The following USP18 variants were observed in gnomAD, a reference collection of about 807,000 sequenced individuals.
USP18 encodes the protein ubl carboxyl-terminal hydrolase 18.
Under a neutral mutation model 48.7 loss-of-function variants are expected in USP18, and 11 were observed. The ratio of observed to expected loss-of-function variants is 0.23; its 90% CI spans 0.14 to 0.37. The LOEUF (loss-of-function observed/expected upper bound fraction) is 0.37, where lower values mean the gene tolerates loss of function less well. Ranked by LOEUF, USP18 falls within the 10% of genes least tolerant of loss-of-function variation. The pLI, the probability that USP18 is intolerant of heterozygous loss-of-function variation, is 1.00. For missense variants in USP18, 285 were observed against 436.4 expected, an observed-to-expected ratio of 0.65 and a Z score of 3.09; for synonymous variants, 114 against 163.2, an observed-to-expected ratio of 0.70 and a Z score of 2.30.
intron 1 of USP18, among the ~76,000 whole-genome samples, chr22:18,151,910 T>C (rs1341919676): frequency 6.6e-6 from 1 of 151,972 alleles, no homozygotes; most frequent in Non-Finnish European, 1.5e-5. Context: ...AAATATTAGC[T>C]GGGCGTGGCG....
intron 5 of USP18, among the ~76,000 whole-genome samples, 168 bp downstream of exon 5, chr22:18,167,502 CCTGGCTAACACAGTG>C (rs1929505852): frequency 1.3e-5 from 2 of 152,094 alleles, no homozygotes; most frequent in Non-Finnish European, 2.9e-5. Flanking sequence ...TCGAGACCAT[CCTGGCTAACACAGTG>C]AAACCCTGTC....
intron 3 of USP18, 49 bp from the exon 4 acceptor site, chr22:18,161,741 G>C (rs1178936438): frequency 4.1e-6 from 6 of 1,458,054 alleles, no homozygotes; most frequent in Non-Finnish European, 5.5e-6. Context: ...TGTGCACCTA[G>C]CTTTGAGAAC....
In USP18 at chr22:18,167,949, C is replaced by A; in HGVS notation, c.540C>A (p.Asp180Glu). The change falls in exon 6 of 11, where the codon GAC becomes GAA. Residue 180 changes from aspartate to glutamate, a missense_variant. Asp to Glu is a conservative substitution (Grantham distance 45). Coordinates refer to ENST00000215794, the MANE Select transcript of USP18 (RefSeq NM_017414.4). Reference protein sequence around the residue: ...IRVKDSLICVDCAMESSRNSS... With the variant: ...IRVKDSLICVECAMESSRNSS... ...TGAAGGACTCCTTGATTTGCGTTGA[C>A]TGTGCCATGGAGAGTAGCAGAAACA... is the stretch of plus-strand genomic sequence containing the variant. 1 of 1,614,100 alleles carries A rather than the reference C, an allele frequency of 6.2e-7. No individual in the cohort carries two copies.
At chr22:18,155,618 GCGGC>G (rs1419745658) in intron 1 of USP18, among the ~76,000 whole-genome samples, 2 of 151,676 alleles carry the variant, frequency 1.3e-5, no homozygotes, top group African/African-American at 4.9e-5. Context: ...CGCACTCGGA[GCGGC>G]CAGCCGGCCG....
chr22:18,150,778 C>T (rs1018044769), intron 1 of USP18, among the ~76,000 whole-genome samples: 1 of 152,170 alleles, frequency 6.6e-6, no homozygotes, highest in African/African-American at 2.4e-5. Flanking sequence ...CATGGAGAAA[C>T]CCCGTCTCTA....
At chr22:18,151,474 C>T (rs1187237549) in intron 1 of USP18, among the ~76,000 whole-genome samples, 2 of 152,064 alleles carry the variant, frequency 1.3e-5, no homozygotes, top group Non-Finnish European at 2.9e-5. Context: ...AGGAACAAAA[C>T]GGGAGGGAGA....
intron 8 of USP18, among the ~76,000 whole-genome samples, chr22:18,172,728 G>A (rs1178867832): frequency 1.3e-5 from 2 of 151,154 alleles, no homozygotes; most frequent in Admixed American, 6.6e-5. Context: ...CACTGTGGGT[G>A]ACTCAGCTTT....
intron 1 of USP18, among the ~76,000 whole-genome samples, chr22:18,151,678 A>G (rs553513830): frequency 1.0e-3 from 153 of 152,042 alleles, no homozygotes; most frequent in African/African-American, 3.5e-3. Flanking sequence ...GAGAGAGAGT[A>G]GTCCCAAAAT....
At chr22:18,173,561 G>C (rs1471286599) in intron 9 of USP18, among the ~76,000 whole-genome samples, 8 of 152,304 alleles carry the variant, frequency 5.3e-5, no homozygotes, top group African/African-American at 1.7e-4. Flanking sequence ...AGCAACGAGT[G>C]TTAGAAATAT....
At chr22:18,164,890 C>G (rs894162039) in intron 4 of USP18, among the ~76,000 whole-genome samples, 10 of 152,180 alleles carry the variant, frequency 6.6e-5, no homozygotes, top group Middle Eastern at 3.4e-3. Context: ...CAGGAGAAAG[C>G]TGGGAGTAGG....
chr22:18,160,065 C>T (rs377659382), intron 2 of USP18, 107 bp from the exon 3 acceptor site: 31 of 1,050,338 alleles, frequency 3.0e-5, no homozygotes, highest in Middle Eastern at 2.0e-4. Flanking sequence ...CCGCCCACCT[C>T]GGCCTCCCAA....
chr22:18,153,445 G>T (rs1316473517), intron 1 of USP18, among the ~76,000 whole-genome samples: 1 of 112,532 alleles, frequency 8.9e-6, no homozygotes, highest in Non-Finnish European at 1.8e-5. Flanking sequence ...AAAAAAAGGA[G>T]ACAGGGTCTT....
At position 18,155,733 on chromosome 22, in the gene USP18, C is replaced by T. The variant is rs575159765; in HGVS notation, c.-106-1825C>T. Among the ~76,000 whole-genome samples the T allele has an allele frequency of 7.6e-3, 1,164 of 152,340 alleles. 8 individuals carry two copies. Among genetic ancestry groups the T allele is most frequent in the Middle Eastern group, 0.014 (4 of 294 alleles). ...AGCTGCCTCCTGGCAGGGCAGGGCT[C>T]GGGACCTGTAGCCCGCCATGCCTGA... is the stretch of plus-strand genomic sequence containing the variant. On this transcript the variant is annotated intron_variant, in intron 1 of 10. Transcript: ENST00000215794.
At chr22:18,173,013 G>A (rs1429698372) in intron 8 of USP18, 137 bp from the exon 9 acceptor site, 2 of 1,482,556 alleles carry the variant, frequency 1.3e-6, no homozygotes, top group Non-Finnish European at 9.0e-7. Context: ...CCTGGAGGGT[G>A]CCCACTGGCT....
chr22:18,150,789 C>A (rs1349556779), intron 1 of USP18, among the ~76,000 whole-genome samples: 2 of 152,174 alleles, frequency 1.3e-5, no homozygotes, highest in African/African-American at 4.8e-5. Flanking sequence ...CCCGTCTCTA[C>A]TAAAAATACA....
At chr22:18,166,760 C>G (rs1175459676) in intron 4 of USP18, among the ~76,000 whole-genome samples, 1 of 151,156 alleles carries the variant, frequency 6.6e-6, no homozygotes, top group East Asian at 1.9e-4. Context: ...TTTTCAAAGT[C>G]CCTGTGGACA....
At chr22:18,156,781 T>C (rs1447236549) in intron 1 of USP18, among the ~76,000 whole-genome samples, 1 of 152,226 alleles carries the variant, frequency 6.6e-6, no homozygotes, top group Non-Finnish European at 1.5e-5. Context: ...ACTGCGGACA[T>C]GCCCCCTTTA....
chr22:18,159,378 A>G (rs2543953), intron 2 of USP18, among the ~76,000 whole-genome samples: 40,926 of 152,014 alleles, frequency 0.27, 6,804 homozygotes, highest in East Asian at 0.63. Flanking sequence ...CTTTTTAAAG[A>G]TTCATGTTTG....
chr22:18,164,782 A>C (rs1929432119), intron 4 of USP18, among the ~76,000 whole-genome samples: 1 of 152,068 alleles, frequency 6.6e-6, no homozygotes, highest in Non-Finnish European at 1.5e-5. Flanking sequence ...CTGCTGACCC[A>C]TGTCTGCTCC....
Sources: allele counts gnomAD v4.1 joint callset (sites outside exome capture counted in the v4.1 genomes callset), GRCh38; gene constraint gnomAD v4.1.1; transcripts MANE v1.5; gene names NCBI Gene and HGNC (gene_info 2026-07-23, HGNC 2026-07-21).